The following BID variants were observed in gnomAD, a reference collection of about 807,000 sequenced individuals.
BID encodes the protein BH3 interacting domain death agonist, also known as BH3-interacting domain death agonist.
A neutral mutation model predicts 17.4 loss-of-function variants in BID; 19 were observed. The ratio of observed to expected loss-of-function variants is 1.09; its 90% confidence interval spans 0.76 to 1.60. The LOEUF (loss-of-function observed/expected upper bound fraction) is 1.60. Ranked by LOEUF, BID falls within the 40% of genes most tolerant of loss-of-function variation. The pLI is 0.00. For missense variants in BID, 226 were observed against 256.0 expected (o/e 0.88, Z 0.80); for synonymous variants, 108 against 102.8 (o/e 1.05, Z -0.31).
intron 2 of BID, among the ~76,000 whole-genome samples, chr22:17,747,686 T>C (rs759313167): frequency 1.3e-5 from 2 of 152,184 alleles, no homozygotes; most frequent in South Asian, 2.1e-4. Context: ...GAAAAAAATA[T>C]GTTAAGAGAA....
chr22:17,739,882 C>T (rs551454308), intron 3 of BID: 94 of 639,748 alleles, frequency 1.5e-4, no homozygotes, highest in East Asian at 3.3e-4. Context: ...TGTGGGCAGA[C>T]GGCATCCCAG....
Position 17,739,437 on chromosome 22 carries a change from T to C in BID, c.275A>G (p.Gln92Arg). 6.2e-7 allele frequency: 1 copy of C among 1,612,586 alleles called. No individual in the cohort carries two copies. The highest frequency in any genetic ancestry group is 1.1e-5 in the South Asian group (1 of 91,076). The stretch of plus-strand genomic sequence containing the variant: ...GCTACGGTCCATGCTGTCCCCGACC[T>C]GGGCGAGGTGCCTGGCAATATTCCG... The part of the protein sequence containing the change: ...IIRNIARHLA[Q>R]VGDSMDRSIP... Residue 92 changes from glutamine to arginine, a missense_variant, in exon 4 of 6, where the codon CAG becomes CGG. By Grantham distance (43) the Gln-to-Arg change is conservative. Transcript: ENST00000622694.
At chr22:17,750,843 T>C (rs905285172) in intron 1 of BID, among the ~76,000 whole-genome samples, 4 of 151,698 alleles carry the variant, frequency 2.6e-5, no homozygotes, top group Admixed American at 2.6e-4. Context: ...GAATGACCAG[T>C]CTGGCCAACA....
At chr22:17,737,087 G>A (rs2061425558) in intron 5 of BID, among the ~76,000 whole-genome samples, 2 of 152,092 alleles carry the variant, frequency 1.3e-5, no homozygotes, top group Admixed American at 6.5e-5. Context: ...TTACAGGCGT[G>A]AGCCACCGCG....
Position 17,735,319 on chromosome 22 carries a change from A to G in BID, c.*261T>C. 1.2e-4 allele frequency: 59 copies of G among 472,126 alleles called. No individual in the cohort carries two copies. Among genetic ancestry groups the G allele is most frequent in the South Asian group, 4.1e-4 (13 of 31,360 alleles). The allele number at this position is 472,126 out of a possible 1,614,324, so 29.2% of individuals were successfully genotyped here. A position where few individuals can be genotyped will look rare whatever the true frequency, so the allele number is the denominator to read the frequency against. ...ATAAAGGCACCGTGTGTAGATTTAC[A>G]GATGTGCAGATTCATGTGTGGATGA... On this transcript the variant is annotated 3_prime_UTR_variant, in exon 6 of 6. Coordinates refer to ENST00000622694, the MANE Select transcript of BID (RefSeq NM_001196.4).
chr22:17,766,701 T>C (rs2061681496), intron 1 of BID, among the ~76,000 whole-genome samples: 1 of 152,004 alleles, frequency 6.6e-6, no homozygotes, highest in African/African-American at 2.4e-5. Flanking sequence ...GCCATTCTCC[T>C]GCCTCAGCCT....
At chr22:17,747,726 T>G (rs551800855) in intron 2 of BID, among the ~76,000 whole-genome samples, 2 of 152,330 alleles carry the variant, frequency 1.3e-5, no homozygotes, top group East Asian at 3.9e-4. Context: ...CTGCAAGACA[T>G]GTTACAAAAA....
At position 17,744,265 on chromosome 22, in the gene BID, G is replaced by A. The variant is rs184637515; in HGVS notation, c.13-252C>T. 1.4e-3 allele frequency among the ~76,000 whole-genome samples: 208 copies of A among 152,296 alleles called. 1 individual carries two copies. Among genetic ancestry groups the A allele is most frequent in the African/African-American group, 4.9e-3 (202 of 41,572 alleles). ...TGCAGAAAGGGATTCCTCTGCAGAG[G>A]AATCTGCTGGACCTCCTGAAACACG... On this transcript the variant is annotated intron_variant, in intron 2 of 5. Transcript: ENST00000622694.
At chr22:17,756,985 A>T (rs1487269143) in intron 1 of BID, among the ~76,000 whole-genome samples, 1 of 149,300 alleles carries the variant, frequency 6.7e-6, no homozygotes, top group East Asian at 1.9e-4. Context: ...TGACTAATTT[A>T]GGGCCATGCA....
At chr22:17,740,690 G>A (rs1227816860) in intron 3 of BID, 2 of 161,492 alleles carry the variant, frequency 1.2e-5, no homozygotes, top group East Asian at 1.8e-4. Context: ...GCCTCCCAAA[G>A]TGCTGGGATT....
intron 2 of BID, among the ~76,000 whole-genome samples, chr22:17,745,403 G>C (rs559373421): frequency 6.6e-6 from 1 of 152,268 alleles, no homozygotes; most frequent in African/African-American, 2.4e-5. Flanking sequence ...GGTGATGCCT[G>C]TAATCCCGGC....
intron 3 of BID, chr22:17,740,081 C>T (rs777183228): frequency 3.1e-6 from 5 of 1,611,550 alleles, no homozygotes; most frequent in Non-Finnish European, 4.2e-6. Flanking sequence ...TGCCCGAGTA[C>T]CACTGTCGCA....
At chr22:17,755,886 G>A (rs1308435524) in intron 1 of BID, among the ~76,000 whole-genome samples, 1 of 151,768 alleles carries the variant, frequency 6.6e-6, no homozygotes, top group Non-Finnish European at 1.5e-5. Context: ...TTGTTTTTCT[G>A]AGACGGAGTC....
chr22:17,746,395 A>G (rs943980543), intron 2 of BID, among the ~76,000 whole-genome samples: 6 of 152,358 alleles, frequency 3.9e-5, no homozygotes, highest in African/African-American at 1.4e-4. Flanking sequence ...TACTTCTCCA[A>G]AGTTGTTTCT....
At chr22:17,736,345 T>A (rs1476639547) in intron 5 of BID, among the ~76,000 whole-genome samples, 1 of 151,888 alleles carries the variant, frequency 6.6e-6, no homozygotes, top group Non-Finnish European at 1.5e-5. Context: ...TAATCCCAGC[T>A]TCTTGGGGGG....
At chr22:17,770,608 A>G (rs555943363) in intron 1 of BID, among the ~76,000 whole-genome samples, 158 of 152,360 alleles carry the variant, frequency 1.0e-3, no homozygotes, top group African/African-American at 3.5e-3. Flanking sequence ...ACAGAAATAG[A>G]GCAACTACTG....
intron 2 of BID, among the ~76,000 whole-genome samples, chr22:17,747,623 T>TTG (rs1262673853): frequency 4.6e-5 from 7 of 152,058 alleles, no homozygotes; most frequent in African/African-American, 9.7e-5. Flanking sequence ...GCCCAGCCTC[T>TTG]AGATCCACTT....
intron 1 of BID, among the ~76,000 whole-genome samples, chr22:17,763,156 C>T (rs762344494): frequency 1.1e-4 from 16 of 152,196 alleles, no homozygotes; most frequent in South Asian, 2.1e-4. Context: ...GCATTACAGG[C>T]GTGAGAAACT....
chr22:17,745,410 C>T (rs990357030), intron 2 of BID, among the ~76,000 whole-genome samples: 2 of 152,120 alleles, frequency 1.3e-5, no homozygotes, highest in Non-Finnish European at 1.5e-5. Flanking sequence ...CCTGTAATCC[C>T]GGCACTCTGG....
Sources: allele counts gnomAD v4.1 joint callset (sites outside exome capture counted in the v4.1 genomes callset), GRCh38; gene constraint gnomAD v4.1.1; transcripts MANE v1.5; gene names NCBI Gene and HGNC (gene_info 2026-07-23, HGNC 2026-07-21).